Variants in CPE observed in about 807,000 individuals in gnomAD.
CPE encodes the protein carboxypeptidase E.
Under a neutral mutation model 53.5 loss-of-function variants are expected in CPE, and 17 were observed. The ratio of observed to expected loss-of-function variants is 0.32; its 90% CI spans 0.22 to 0.48. CPE has a LOEUF of 0.48. Ranked by LOEUF, CPE falls within the 20% of genes least tolerant of loss-of-function variation. CPE has a pLI of 0.99. For missense variants in CPE, 524 were observed against 614.7 expected (o/e 0.85, Z 1.56); for synonymous variants, 226 against 228.8 (o/e 0.99, Z 0.11).
chr4:165,487,726 A>G, intron 6 of CPE, 149 bp downstream of exon 6: 1 of 895,836 alleles, frequency 1.1e-6, no homozygotes, highest in Non-Finnish European at 1.7e-6. Flanking sequence ...TGTTTCAGTT[A>G]GGCTTTTATT....
intron 6 of CPE, among the ~76,000 whole-genome samples, chr4:165,489,702 A>G (rs1002604446): frequency 8.5e-5 from 13 of 152,236 alleles, no homozygotes; most frequent in Admixed American, 3.9e-4. Flanking sequence ...AAAAAATAAT[A>G]CAAAACAAAT....
chr4:165,476,894 C>T (rs934528197), intron 3 of CPE, among the ~76,000 whole-genome samples: 3 of 151,668 alleles, frequency 2.0e-5, no homozygotes, highest in African/African-American at 4.9e-5. Context: ...GCCAGAAAGG[C>T]GGCAGGCTGG....
At position 165,433,524 on chromosome 4, in the gene CPE, G is replaced by A. The variant is rs544737401; in HGVS notation, c.308-30866G>A. 3.7e-3 allele frequency among the ~76,000 whole-genome samples: 563 copies of A among 152,260 alleles called. 3 individuals are homozygous for A. Among genetic ancestry groups the A allele is most frequent in the African/African-American group, 0.013 (540 of 41,548 alleles). ...CTCCAATTCATTCTCCGCACCAGGT[G>A]TGGGCAAACTTTTTCTACAAAGGGC... On this transcript the variant is annotated intron_variant, in intron 1 of 8. Coordinates refer to ENST00000402744, the MANE Select transcript of CPE (RefSeq NM_001873.4).
At chr4:165,495,514 G>A (rs1374227605) in intron 7 of CPE, 45 bp from the exon 8 acceptor site, 1 of 1,290,576 alleles carries the variant, frequency 7.7e-7, no homozygotes, top group Non-Finnish European at 1.1e-6. Context: ...GTGTAATTCT[G>A]CATATTTCAT....
At chr4:165,446,345 C>A (rs1030287648) in intron 1 of CPE, among the ~76,000 whole-genome samples, 1 of 151,968 alleles carries the variant, frequency 6.6e-6, no homozygotes, top group African/African-American at 2.4e-5. Flanking sequence ...TGTACTTATA[C>A]AATGAGACTT....
At chr4:165,459,332 C>G (rs1731954011) in intron 1 of CPE, among the ~76,000 whole-genome samples, 1 of 152,112 alleles carries the variant, frequency 6.6e-6, no homozygotes, top group Non-Finnish European at 1.5e-5. Context: ...GAATGCAAAT[C>G]CAACCAGGCA....
intron 2 of CPE, among the ~76,000 whole-genome samples, chr4:165,465,311 A>T (rs546777671): frequency 1.3e-5 from 2 of 152,308 alleles, no homozygotes; most frequent in East Asian, 3.9e-4. Flanking sequence ...CAGCTAAAAA[A>T]TCCAATGACA....
At chr4:165,399,912 T>G (rs996655526) in intron 1 of CPE, among the ~76,000 whole-genome samples, 1 of 152,058 alleles carries the variant, frequency 6.6e-6, no homozygotes, top group Non-Finnish European at 1.5e-5. Context: ...AGTGTTATAA[T>G]CCCAGCCTCT....
intron 3 of CPE, among the ~76,000 whole-genome samples, chr4:165,471,634 C>T (rs1732208054): frequency 6.6e-6 from 1 of 152,166 alleles, no homozygotes; most frequent in Non-Finnish European, 1.5e-5. Context: ...GCCTTGAGCC[C>T]AGCCATGGGT....
chr4:165,430,249 A>T (rs1308021557), intron 1 of CPE, among the ~76,000 whole-genome samples: 1 of 152,210 alleles, frequency 6.6e-6, no homozygotes, highest in Non-Finnish European at 1.5e-5. Flanking sequence ...GGAAGAAGTA[A>T]TCTTAGTCAT....
At chr4:165,426,639 T>C (rs1579256098) in intron 1 of CPE, among the ~76,000 whole-genome samples, 1 of 151,578 alleles carries the variant, frequency 6.6e-6, no homozygotes, top group East Asian at 1.9e-4. Context: ...GCAAATGTCT[T>C]TTGTGTCTGT....
At chr4:165,455,178 G>A (rs1045458462) in intron 1 of CPE, among the ~76,000 whole-genome samples, 1 of 152,200 alleles carries the variant, frequency 6.6e-6, no homozygotes, top group African/African-American at 2.4e-5. Flanking sequence ...ATATGTTAAT[G>A]AGAGAATCAG....
At chr4:165,392,885 AATAT>A (rs891063682) in intron 1 of CPE, among the ~76,000 whole-genome samples, 5 of 139,460 alleles carry the variant, frequency 3.6e-5, no homozygotes, top group African/African-American at 1.2e-4. Flanking sequence ...ATATATAAAT[AATAT>A]ATATATAAAT....
At chr4:165,455,526 G>A (rs1292397519) in intron 1 of CPE, among the ~76,000 whole-genome samples, 1 of 152,066 alleles carries the variant, frequency 6.6e-6, no homozygotes, top group Non-Finnish European at 1.5e-5. Context: ...TGGTCTTTTT[G>A]GTGATTAATA....
chr4:165,479,233 T>G lies in CPE; in HGVS notation c.673-3009T>G, dbSNP rs141497744. ...AAAAAGCATATGCATTATAGAGTAT[T>G]TTGATTTCATCTCCCATATTAGTTA... On this transcript the variant is annotated intron_variant, in intron 3 of 8. Coordinates refer to ENST00000402744, the MANE Select transcript of CPE (RefSeq NM_001873.4). Among the ~76,000 whole-genome samples, 1,077 of 152,308 alleles carry G rather than the reference T, an allele frequency of 7.1e-3. 11 individuals carry two copies. The highest frequency in any genetic ancestry group is 0.025 in the African/African-American group (1,026 of 41,562).
intron 1 of CPE, among the ~76,000 whole-genome samples, chr4:165,392,794 A>G (rs1221370385): frequency 6.7e-6 from 1 of 148,680 alleles, no homozygotes; most frequent in Non-Finnish European, 1.5e-5. Flanking sequence ...CTCTAAAATG[A>G]ACATTTTCTC....
intron 1 of CPE, among the ~76,000 whole-genome samples, chr4:165,444,988 G>C (rs1011703481): frequency 1.3e-5 from 2 of 151,464 alleles, no homozygotes; most frequent in African/African-American, 2.4e-5. Context: ...ATGGAGTCTT[G>C]CTCTGTCACC....
intron 1 of CPE, among the ~76,000 whole-genome samples, chr4:165,455,479 T>C (rs1579269470): frequency 6.6e-6 from 1 of 152,376 alleles, no homozygotes; most frequent in East Asian, 1.9e-4. Flanking sequence ...GCATTTGATG[T>C]AGCCGATAAC....
At chr4:165,479,639 G>A (rs1361193501) in intron 3 of CPE, among the ~76,000 whole-genome samples, 3 of 152,098 alleles carry the variant, frequency 2.0e-5, no homozygotes, top group African/African-American at 7.2e-5. Flanking sequence ...AATTTGAAAG[G>A]CACATGACAC....
Sources: gnomAD v4.1 joint callset for allele counts (sites outside exome capture counted in the v4.1 genomes callset) on GRCh38, gnomAD v4.1.1 for gene constraint, MANE v1.5 for transcripts, NCBI Gene and HGNC (gene_info 2026-07-23, HGNC 2026-07-21) for gene names.